PNLDC1: variants seen among roughly 807,000 people sequenced by gnomAD.
The protein encoded by PNLDC1 is PARN like ribonuclease domain containing exonuclease 1, also known as poly(A)-specific ribonuclease PNLDC1.
Under a neutral mutation model 82.0 loss-of-function variants are expected in PNLDC1, and 70 were observed. The ratio of observed to expected loss-of-function variants is 0.85; its 90% CI spans 0.70 to 1.04. PNLDC1 has a LOEUF of 1.04. Among genes scored for constraint, PNLDC1 ranks in the 50% least tolerant of loss-of-function variants. The pLI, the probability that PNLDC1 is intolerant of heterozygous loss-of-function variation, is 0.00. For missense variants in PNLDC1, 631 were observed against 661.1 expected, an observed-to-expected ratio of 0.95 and a Z score of 0.50; for synonymous variants, 280 against 249.3, an observed-to-expected ratio of 1.12 and a Z score of -1.16.
At chr6:159,808,911 C>T (rs1781549557) in intron 8 of PNLDC1, 95 bp downstream of exon 8, 6 of 1,584,082 alleles carry the variant, frequency 3.8e-6, no homozygotes, top group Non-Finnish European at 5.2e-6. Context: ...ATCTTGCACG[C>T]TGCTAGTTTT....
At chr6:159,804,151 C>T (rs531113510) in intron 5 of PNLDC1, 63 bp downstream of exon 5, 1 of 1,577,632 alleles carries the variant, frequency 6.3e-7, no homozygotes, top group African/African-American at 1.4e-5. Flanking sequence ...GAGTCTCGCT[C>T]TGTTGCCCAG....
chr6:159,806,888 CTT>C (rs34866272), intron 7 of PNLDC1, among the ~76,000 whole-genome samples: 27,491 of 107,722 alleles, frequency 0.26, 2,727 homozygotes, highest in East Asian at 0.39. Context: ...AATTAGCTGC[CTT>C]TTTTTTTTTT....
Position 159,820,637 on chromosome 6 carries a change from TTC to T in PNLDC1, c.*122_*123del, listed in dbSNP as rs368494220. ...GGATCTGTTTGGTCTTTTCTAGAAA[TTC>T]TGTTATGTCCTGAACGTGAAATTCT... On this transcript the variant is annotated 3_prime_UTR_variant, in exon 19 of 19. Coordinates refer to ENST00000392167, the MANE Select transcript of PNLDC1 (RefSeq NM_001271862.2). The T allele has an allele frequency of 2.1e-3, 1,921 of 928,844 alleles. 8 individuals carry two copies. The highest frequency in any genetic ancestry group is 0.013 in the African/African-American group (787 of 61,896). The allele number at this position is 928,844 out of a possible 1,614,324, so 57.5% of individuals were successfully genotyped here.
At position 159,800,650 on chromosome 6, in the gene PNLDC1, C is replaced by G. The variant is rs781296544; in HGVS notation, c.77-122C>G. The G allele has an allele frequency of 1.9e-6, 3 of 1,581,572 alleles. No homozygotes were observed. The Admixed American group carries it at 5.4e-5, about 28-fold the overall frequency. On this transcript the variant is annotated intron_variant, in intron 1 of 18. Coordinates refer to ENST00000392167, the MANE Select transcript of PNLDC1 (RefSeq NM_001271862.2). ...GGTTCCTCCATTTTCCCTTCCTGACCTCACTTGGCTTCTTGAGCGCAGAGG... is the reference window on the plus strand; with the variant it reads ...GGTTCCTCCATTTTCCCTTCCTGACGTCACTTGGCTTCTTGAGCGCAGAGG...
intron 12 of PNLDC1, among the ~76,000 whole-genome samples, chr6:159,814,045 G>A (rs371600940): frequency 2.6e-5 from 4 of 152,036 alleles, no homozygotes; most frequent in East Asian, 3.9e-4. Context: ...GCCCCTTCCC[G>A]GGGTGTCTCC....
At chr6:159,811,632 C>A in intron 10 of PNLDC1, 69 bp from the exon 11 acceptor site, 2 of 1,284,878 alleles carry the variant, frequency 1.6e-6, no homozygotes, top group South Asian at 2.4e-5. Context: ...AAGCTAGGTT[C>A]AAGAATGTTC....
At chr6:159,813,773 C>G in intron 12 of PNLDC1, 117 bp downstream of exon 12, 1 of 868,170 alleles carries the variant, frequency 1.2e-6, no homozygotes, top group South Asian at 1.4e-5. Flanking sequence ...CTGCTTGGGA[C>G]TTGGTCTCCT....
At position 159,811,758 on chromosome 6, in the gene PNLDC1, C is replaced by CTGGAACAAGAGTGTAA. The variant is rs771111424; in HGVS notation, c.911_912insTGGAACAAGAGTGTAA (p.Lys305GlyfsTer5). ...AGCCTATTTCCTGTTCTCATTGATACCAAGAGTGTAACAAAGGATATCTGG... is the reference window on the plus strand; with the variant it reads ...AGCCTATTTCCTGTTCTCATTGATACTGGAACAAGAGTGTAACAAGAGTGTAACAAAGGATATCTGG... On this transcript the variant is annotated stop_gained and frameshift_variant, in exon 11 of 19. Coordinates refer to ENST00000392167, the MANE Select transcript of PNLDC1 (RefSeq NM_001271862.2). LOFTEE classifies it high-confidence loss of function. 6.2e-7 allele frequency: 1 copy of CTGGAACAAGAGTGTAA among 1,613,198 alleles called. No homozygotes were observed. Among genetic ancestry groups the CTGGAACAAGAGTGTAA allele is most frequent in the South Asian group, 1.1e-5 (1 of 91,048 alleles).
intron 12 of PNLDC1, among the ~76,000 whole-genome samples, chr6:159,814,035 G>T (rs1423356307): frequency 6.6e-6 from 1 of 152,046 alleles, no homozygotes; most frequent in Non-Finnish European, 1.5e-5. Flanking sequence ...ACCCCTACCT[G>T]CCCCTTCCCG....
At position 159,813,584 on chromosome 6, in the gene PNLDC1, G is replaced by GT. The variant is rs746081580; in HGVS notation, c.940-13dup. 30 of 1,604,914 alleles carry GT rather than the reference G, an allele frequency of 1.9e-5. No homozygotes were observed. Among genetic ancestry groups the GT allele is most frequent in the Non-Finnish European group, 2.3e-5 (27 of 1,171,630 alleles). On this transcript the variant is annotated splice_polypyrimidine_tract_variant and intron_variant, in intron 11 of 18. Transcript: ENST00000392167. ...AAGCGCAAATGTTTTCCTCTGGTTT[G>GT]TTTTCCATGATTGTAGGAGATGAAT...
chr6:159,813,755 A>G (rs369461761), intron 12 of PNLDC1, 99 bp downstream of exon 12: 3 of 1,050,530 alleles, frequency 2.9e-6, no homozygotes, highest in Non-Finnish European at 2.9e-6. Context: ...CACCATTCAC[A>G]GTGATGCCTG....
At chr6:159,801,240 T>C in intron 3 of PNLDC1, 54 bp downstream of exon 3, 1 of 1,502,224 alleles carries the variant, frequency 6.7e-7, no homozygotes, top group Non-Finnish European at 9.3e-7. Flanking sequence ...TTATTGTCCT[T>C]GGATTTCCTA....
intron 14 of PNLDC1, 58 bp downstream of exon 14, chr6:159,816,654 CAG>C (rs1781844211): frequency 7.1e-7 from 1 of 1,403,210 alleles, no homozygotes; most frequent in Non-Finnish European, 1.0e-6. Context: ...TTTTCTGAGA[CAG>C]GGTCTCACTC....
At chr6:159,800,174 G>GGGCACGTGGGGCGGA (rs1396461614), upstream of PNLDC1, 33 of 756,956 alleles carry the variant, frequency 4.4e-5, no homozygotes, top group Non-Finnish European at 6.8e-5. Flanking sequence ...CGGGGAAGCT[G>GGGCACGTGGGGCGGA]GGCACGTGGG....
intron 3 of PNLDC1, among the ~76,000 whole-genome samples, chr6:159,801,784 TA>T (rs1350295615): frequency 2.7e-5 from 3 of 112,944 alleles, no homozygotes; most frequent in African/African-American, 8.6e-5. Flanking sequence ...CACACAAAAA[TA>T]ATTTTTTTTA....
intron 10 of PNLDC1, 92 bp downstream of exon 10, chr6:159,810,187 A>G (rs912914195): frequency 2.5e-6 from 3 of 1,184,250 alleles, no homozygotes; most frequent in Admixed American, 3.6e-5. Context: ...GGCAGCTCCT[A>G]AAATGCCCAT....
chr6:159,813,133 AG>A (rs2115048977), intron 11 of PNLDC1, among the ~76,000 whole-genome samples: 1 of 152,334 alleles, frequency 6.6e-6, no homozygotes, highest in East Asian at 1.9e-4. Flanking sequence ...GATGCCGCAC[AG>A]ATGGGAGTGG....
rs1426860060 is a variant in PNLDC1 at position 159,819,752 on chromosome 6, A to C, written c.1532+400A>C. Reference sequence around the variant, plus strand: ...ATGGGGGTCTTCATTAGAGACTTGGAGTGAGCCAGGCGGAGGGGGCAGCAG... The same window carrying C: ...ATGGGGGTCTTCATTAGAGACTTGGCGTGAGCCAGGCGGAGGGGGCAGCAG... On this transcript the variant is annotated intron_variant, in intron 18 of 18. Transcript: ENST00000392167. The surrounding 1 kb of genome is among the most constrained non-coding windows in gnomAD (Gnocchi z 4.6). 6.6e-6 allele frequency among the ~76,000 whole-genome samples: 1 copy of C among 152,056 alleles called. No individual in the cohort carries two copies. Among genetic ancestry groups the C allele is most frequent in the Non-Finnish European group, 1.5e-5 (1 of 68,012 alleles).
chr6:159,814,461 G>T (rs910629343), intron 12 of PNLDC1, among the ~76,000 whole-genome samples: 2 of 152,156 alleles, frequency 1.3e-5, no homozygotes, highest in Non-Finnish European at 2.9e-5. Context: ...CTGCGGTCCA[G>T]ACCTCAGCAT....
Sources: gnomAD v4.1 joint callset for allele counts (sites outside exome capture counted in the v4.1 genomes callset) on GRCh38, gnomAD v4.1.1 for gene constraint, Gnocchi (gnomAD v3.1) non-coding constraint, MANE v1.5 for transcripts, NCBI Gene and HGNC (gene_info 2026-07-23, HGNC 2026-07-21) for gene names.